The following PLCB1 variants were observed in gnomAD, a reference collection of about 807,000 sequenced individuals.
PLCB1 encodes phospholipase C beta 1, also known as 1-phosphatidylinositol 4,5-bisphosphate phosphodiesterase beta-1.
PLCB1 carries 46 observed loss-of-function variants against 161.8 expected under a neutral mutation model. The observed-to-expected ratio is 0.28, with a 90% CI of 0.22 to 0.36. The LOEUF (loss-of-function observed/expected upper bound fraction) is 0.36. Ranked by LOEUF, PLCB1 falls within the 10% of genes least tolerant of loss-of-function variation. The probability of loss-of-function intolerance (pLI) is 1.00; values close to 1 mark genes in which losing one functional copy is unlikely to be tolerated. For missense variants in PLCB1, 1,016 were observed against 1,472.5 expected, an observed-to-expected ratio of 0.69 and a Z score of 5.07; for synonymous variants, 517 against 503.7, an observed-to-expected ratio of 1.03 and a Z score of -0.35.
At position 8,168,039 on chromosome 20, in the gene PLCB1, A is replaced by G. The variant is rs1454203339; in HGVS notation, c.177+17668A>G. The stretch of plus-strand genomic sequence containing the variant: ...TGTCCCATGTGGTCTCTCATCTTCC[A>G]ACAGGCTAGTCCAGCTTGCTCTGGT... On this transcript the variant is annotated intron_variant, in intron 2 of 31. Transcript: ENST00000338037. 2.0e-5 allele frequency among the ~76,000 whole-genome samples: 3 copies of G among 152,098 alleles called. No individual in the cohort carries two copies. The East Asian group carries it at 5.8e-4, about 29-fold the overall frequency.
chr20:8,714,924 T>C (rs1263454864), intron 12 of PLCB1, among the ~76,000 whole-genome samples: 1 of 150,778 alleles, frequency 6.6e-6, no homozygotes, highest in African/African-American at 2.4e-5. Flanking sequence ...GAACCGTCAA[T>C]ACCAACCCCC....
intron 7 of PLCB1, among the ~76,000 whole-genome samples, chr20:8,654,905 T>A (rs937525853): frequency 6.6e-6 from 1 of 152,076 alleles, no homozygotes; most frequent in African/African-American, 2.4e-5. Context: ...CATCTCAGCA[T>A]TTAATGATGC....
intron 2 of PLCB1, among the ~76,000 whole-genome samples, chr20:8,203,120 C>CGT (rs1978340943): frequency 6.6e-6 from 1 of 152,042 alleles, no homozygotes; most frequent in Non-Finnish European, 1.5e-5. Context: ...CACACGTACA[C>CGT]ACACAGAGGC....
At chr20:8,292,800 G>T (rs1983445339) in intron 2 of PLCB1, among the ~76,000 whole-genome samples, 1 of 152,164 alleles carries the variant, frequency 6.6e-6, no homozygotes, top group Non-Finnish European at 1.5e-5. Context: ...ACTACAAAAA[G>T]AGGTTTTTAA....
chr20:8,350,757 A>G (rs1986155114), intron 2 of PLCB1, among the ~76,000 whole-genome samples: 2 of 152,210 alleles, frequency 1.3e-5, no homozygotes, highest in South Asian at 2.1e-4. Context: ...TGTTAAAAAT[A>G]TCACCAAAAA....
intron 3 of PLCB1, among the ~76,000 whole-genome samples, chr20:8,577,379 A>G (rs555861035): frequency 2.4e-4 from 36 of 150,116 alleles, no homozygotes; most frequent in African/African-American, 8.8e-4. Context: ...CGGAGCTTGC[A>G]GTGAGCCGAG....
intron 3 of PLCB1, among the ~76,000 whole-genome samples, chr20:8,556,585 C>G (rs1311109277): frequency 2.6e-5 from 4 of 151,504 alleles, no homozygotes; most frequent in Admixed American, 1.3e-4. Context: ...AGCTTGAGAT[C>G]TTAAGGCTTC....
intron 3 of PLCB1, among the ~76,000 whole-genome samples, chr20:8,626,469 A>G (rs1313249612): frequency 1.3e-5 from 2 of 152,208 alleles, no homozygotes; most frequent in Non-Finnish European, 2.9e-5. Flanking sequence ...AGTTTTGAGC[A>G]AAAGTATTTT....
intron 2 of PLCB1, among the ~76,000 whole-genome samples, chr20:8,337,320 C>CA (rs1312266803): frequency 6.6e-6 from 1 of 152,130 alleles, no homozygotes; most frequent in Non-Finnish European, 1.5e-5. Context: ...AACTTGAACC[C>CA]AGGCAGTCTA....
At chr20:8,581,395 T>C (rs1264431560) in intron 3 of PLCB1, among the ~76,000 whole-genome samples, 1 of 152,042 alleles carries the variant, frequency 6.6e-6, no homozygotes, top group African/African-American at 2.4e-5. Flanking sequence ...GAGGTGAAGG[T>C]GAAAAGTGAA....
At chr20:8,271,380 G>A (rs1227144664) in intron 2 of PLCB1, among the ~76,000 whole-genome samples, 1 of 152,086 alleles carries the variant, frequency 6.6e-6, no homozygotes, top group East Asian at 1.9e-4. Flanking sequence ...CCTACCTCCA[G>A]TAGAATCTCA....
intron 3 of PLCB1, among the ~76,000 whole-genome samples, chr20:8,577,872 A>C (rs1193363202): frequency 2.0e-5 from 3 of 152,164 alleles, no homozygotes; most frequent in Non-Finnish European, 2.9e-5. Context: ...TTTCTTCTGA[A>C]AACCATTTGT....
intron 3 of PLCB1, among the ~76,000 whole-genome samples, chr20:8,585,005 G>C (rs535557669): frequency 1.2e-4 from 18 of 152,126 alleles, no homozygotes; most frequent in South Asian, 6.2e-4. Flanking sequence ...ATTCTCTTTA[G>C]CCCAACATGA....
chr20:8,196,736 G>A (rs1202642935), intron 2 of PLCB1, among the ~76,000 whole-genome samples: 4 of 151,764 alleles, frequency 2.6e-5, no homozygotes, highest in East Asian at 1.9e-4. Context: ...TGTTACATAC[G>A]TATACATGTG....
chr20:8,160,860 ATAAT>A (rs1351870193), intron 2 of PLCB1, among the ~76,000 whole-genome samples: 1 of 152,230 alleles, frequency 6.6e-6, no homozygotes, highest in Non-Finnish European at 1.5e-5. Context: ...AATAAATAAT[ATAAT>A]TACTTTCTTC....
At chr20:8,263,565 C>T (rs1295374079) in intron 2 of PLCB1, among the ~76,000 whole-genome samples, 3 of 152,094 alleles carry the variant, frequency 2.0e-5, no homozygotes, top group Non-Finnish European at 4.4e-5. Flanking sequence ...ATTGTGTGAA[C>T]ATCAGGGACT....
intron 3 of PLCB1, among the ~76,000 whole-genome samples, chr20:8,471,395 CT>C (rs1982047891): frequency 6.6e-6 from 1 of 152,084 alleles, no homozygotes; most frequent in African/African-American, 2.4e-5. Flanking sequence ...GGAAGCATTG[CT>C]TTAAGGATGT....
At chr20:8,841,170 C>A (rs1986490723) in intron 31 of PLCB1, among the ~76,000 whole-genome samples, 1 of 152,024 alleles carries the variant, frequency 6.6e-6, no homozygotes, top group Non-Finnish European at 1.5e-5. Context: ...TGCATAGCAT[C>A]CTACAACAAT....
intron 4 of PLCB1, among the ~76,000 whole-genome samples, chr20:8,629,817 T>TTC (rs1555777958): frequency 2.1e-5 from 2 of 96,962 alleles, no homozygotes; most frequent in Admixed American, 1.1e-4. Flanking sequence ...CTTTTCTTTC[T>TTC]TTTCTTTCTT....
Sources: gnomAD v4.1 joint callset for allele counts (sites outside exome capture counted in the v4.1 genomes callset) on GRCh38, gnomAD v4.1.1 for gene constraint, MANE v1.5 for transcripts, NCBI Gene and HGNC (gene_info 2026-07-23, HGNC 2026-07-21) for gene names.